DGKZ: variants seen among roughly 807,000 people sequenced by gnomAD.
DGKZ encodes the protein DAG kinase zeta.
In DGKZ, 45 loss-of-function variants were observed where a neutral mutation model predicts 142.5. That is an observed-to-expected ratio of 0.32 (90% CI 0.25 to 0.40). The LOEUF (loss-of-function observed/expected upper bound fraction) is 0.40. DGKZ is among the 10% of genes least tolerant of loss of function. The pLI, the probability that DGKZ is intolerant of heterozygous loss-of-function variation, is 1.00. For missense variants in DGKZ, 755 were observed against 1,306.5 expected (o/e 0.58, Z 6.51); for synonymous variants, 442 against 527.0 (o/e 0.84, Z 2.21).
In DGKZ at chr11:46,367,189, C is replaced by A; in HGVS notation, c.162-102C>A. On this transcript the variant is annotated intron_variant, in intron 1 of 30. Coordinates refer to ENST00000527911, the Ensembl canonical transcript of DGKZ. The surrounding 1 kb of genome is among the most constrained non-coding windows in gnomAD (Gnocchi z 4.1). ...GGCTGCTGGGAGGCTCCTCCGCCCT[C>A]CCTGTTGCCGAGGTCACGGAAAGGG... is the stretch of plus-strand genomic sequence containing the variant. The A allele has an allele frequency of 1.5e-6, 2 of 1,303,694 alleles. No individual in the cohort carries two copies. The highest frequency in any genetic ancestry group is 3.9e-5 in the Admixed American group (2 of 50,704). The allele number at this position is 1,303,694 out of a possible 1,614,324, so 80.8% of individuals were successfully genotyped here.
rs763833272 is a variant in DGKZ, at chr11:46,372,824, T to C, written c.1125T>C (p.Pro375=). Residue 375 remains proline, a synonymous_variant, in exon 13 of 31, where the codon CCT becomes CCC. Coordinates refer to ENST00000527911, the Ensembl canonical transcript of DGKZ. This position sits in a 1 kb window ranked among gnomAD's most constrained non-coding sequence, Gnocchi z 5.9. ...AGCTACGCCTGAAGCCGCCACCCCC[T>C]GTTGCCATCCTGCCCCTGGGTACTG... 5 of 1,603,046 alleles carry C rather than the reference T, an allele frequency of 3.1e-6. No individual in the cohort carries two copies. Among genetic ancestry groups the C allele is most frequent in the Middle Eastern group, 3.3e-4 (2 of 6,044 alleles).
At position 46,364,090 on chromosome 11, in the gene DGKZ, C is replaced by A. The variant is rs535070444; in HGVS notation, c.162-3201C>A. Reference sequence around the variant, plus strand: ...CACGTAGCAGGTGTTCGTTATTATTCCCTATCTGGTTCCCTTTCCTACCCC... The same window carrying A: ...CACGTAGCAGGTGTTCGTTATTATTACCTATCTGGTTCCCTTTCCTACCCC... On this transcript the variant is annotated intron_variant, in intron 1 of 30. Transcript: ENST00000527911. Among the ~76,000 whole-genome samples the A allele has an allele frequency of 2.6e-5, 4 of 152,336 alleles. No homozygotes were observed. The South Asian group carries it at 8.3e-4, about 32-fold the overall frequency.
At chr11:46,340,442 G>A (rs1940224280) in intron 1 of DGKZ, among the ~76,000 whole-genome samples, 1 of 152,204 alleles carries the variant, frequency 6.6e-6, no homozygotes, top group Admixed American at 6.5e-5. Flanking sequence ...GGGGAGAGCT[G>A]TGCAGGCTCC....
At chr11:46,354,167 C>T (rs1941731335) in intron 1 of DGKZ, among the ~76,000 whole-genome samples, 1 of 152,160 alleles carries the variant, frequency 6.6e-6, no homozygotes, top group African/African-American at 2.4e-5. Flanking sequence ...ACCCAGGGAG[C>T]TCTAGGGGGC....
At chr11:46,364,450 A>G in intron 1 of DGKZ, 1 of 1,279,980 alleles carries the variant, frequency 7.8e-7, no homozygotes, top group South Asian at 1.2e-5. Context: ...CTGCCCCTGC[A>G]GCTCCCTCCG....
intron 1 of DGKZ, chr11:46,333,541 A>T: frequency 6.8e-7 from 1 of 1,479,938 alleles, no homozygotes; most frequent in African/African-American, 1.4e-5. Flanking sequence ...CCCCTCTTGC[A>T]GGCGTCATTG....
At chr11:46,365,724 A>T (rs1943174871) in intron 1 of DGKZ, 2 of 985,306 alleles carry the variant, frequency 2.0e-6, no homozygotes, top group Non-Finnish European at 2.4e-6. Context: ...TCCATGTCCC[A>T]TGAGGGGACA....
chr11:46,354,540 A>G (rs1941778974), intron 1 of DGKZ, among the ~76,000 whole-genome samples: 1 of 152,210 alleles, frequency 6.6e-6, no homozygotes, highest in African/African-American at 2.4e-5. Context: ...TTCTAAACAC[A>G]TTAAATATCT....
At chr11:46,350,944 C>G (rs924406098) in intron 1 of DGKZ, among the ~76,000 whole-genome samples, 22 of 151,730 alleles carry the variant, frequency 1.4e-4, no homozygotes, top group East Asian at 5.8e-4. Context: ...TACTTCTTGC[C>G]GGAACTATCA....
At chr11:46,366,962 C>A in intron 1 of DGKZ, 1 of 1,536,064 alleles carries the variant, frequency 6.5e-7, no homozygotes, top group Non-Finnish European at 8.7e-7. Context: ...GGCCGGACCC[C>A]AGGCCTGGAG....
chr11:46,361,088 C>G (rs1193937587), intron 1 of DGKZ, among the ~76,000 whole-genome samples: 1 of 152,232 alleles, frequency 6.6e-6, no homozygotes, highest in Non-Finnish European at 1.5e-5. Context: ...AAATACCAGC[C>G]TCCCGTTTGT....
At chr11:46,340,899 A>C (rs1460847003) in intron 1 of DGKZ, among the ~76,000 whole-genome samples, 1 of 152,242 alleles carries the variant, frequency 6.6e-6, no homozygotes, top group Non-Finnish European at 1.5e-5. Context: ...CTGTAATCCC[A>C]GAATGTTGGA....
chr11:46,335,038 G>A (rs959321651), intron 1 of DGKZ, among the ~76,000 whole-genome samples: 16 of 152,142 alleles, frequency 1.1e-4, no homozygotes, highest in African/African-American at 3.6e-4. Context: ...TGGAGGCTGG[G>A]CGCGGTGACT....
In DGKZ at chr11:46,347,954, G is replaced by A. The variant is rs965122625; in HGVS notation, c.161+134G>A. The A allele has an allele frequency of 8.3e-5, 101 of 1,215,192 alleles. No individual in the cohort carries two copies. In the Middle Eastern group the frequency reaches 1.9e-3, roughly 23 times the overall value. 75.3% of individuals were successfully genotyped at this position (1,215,192 alleles called of 1,614,324 possible). A position where few individuals can be genotyped will look rare whatever the true frequency, so the allele number is the denominator to read the frequency against. ...CTGAGTCGGGGAGAGGCTGGCACCGGCGGCACGAGCCGTCTTGGCGTGGGC... is the reference window on the plus strand; with the variant it reads ...CTGAGTCGGGGAGAGGCTGGCACCGACGGCACGAGCCGTCTTGGCGTGGGC... On this transcript the variant is annotated intron_variant, in intron 1 of 30. Coordinates refer to ENST00000527911, the Ensembl canonical transcript of DGKZ. The surrounding 1 kb of genome is among the most constrained non-coding windows in gnomAD (Gnocchi z 6.4).
At chr11:46,333,398 C>T (rs1408219253) in exon 1 of DGKZ, 1 of 1,496,572 alleles carries the variant, frequency 6.7e-7, no homozygotes, top group Non-Finnish European at 8.9e-7. Context: ...TCGCGCAGCC[C>T]TGGCCCGAGG....
chr11:46,366,349 C>A, intron 1 of DGKZ: 1 of 1,541,152 alleles, frequency 6.5e-7, no homozygotes, highest in South Asian at 1.2e-5. Flanking sequence ...TGCCCACAGG[C>A]AAGGCCCGGC....
At chr11:46,338,429 A>G (rs7111556) in intron 1 of DGKZ, among the ~76,000 whole-genome samples, 25,484 of 148,868 alleles carry the variant, frequency 0.17, 7,336 homozygotes, top group African/African-American at 0.6. Context: ...CCGGTAGGCA[A>G]AGGTTGCAGT....
intron 1 of DGKZ, among the ~76,000 whole-genome samples, chr11:46,350,965 TGAG>T (rs543823481): frequency 4.1e-4 from 62 of 151,040 alleles, no homozygotes; most frequent in African/African-American, 7.0e-4. Context: ...GTCTCCTCCC[TGAG>T]GAGGAGGAGG....
At chr11:46,366,874 C>A in intron 1 of DGKZ, 1 of 1,547,112 alleles carries the variant, frequency 6.5e-7, no homozygotes, top group Non-Finnish European at 8.7e-7. Flanking sequence ...GAGCCTCAGG[C>A]ACCACCGCCG....
Sources: allele counts gnomAD v4.1 joint callset (sites outside exome capture counted in the v4.1 genomes callset), GRCh38; gene constraint gnomAD v4.1.1; non-coding constraint Gnocchi (gnomAD v3.1); transcripts MANE v1.5; gene names NCBI Gene and HGNC (gene_info 2026-07-23, HGNC 2026-07-21).